The following STX3 variants were observed in gnomAD, a reference collection of about 807,000 sequenced individuals.
The protein encoded by STX3 is syntaxin-3.
A neutral mutation model predicts 40.2 loss-of-function variants in STX3; 19 were observed. The observed-to-expected ratio is 0.47, with a 90% CI of 0.33 to 0.69. The LOEUF (loss-of-function observed/expected upper bound fraction) is 0.69, where lower values mean the gene tolerates loss of function less well. STX3 is among the 30% of genes least tolerant of loss of function. The pLI is 0.02. For synonymous variants in STX3, 122 were observed against 132.2 expected (o/e 0.92, Z 0.53); for missense variants, 364 against 366.7 (o/e 0.99, Z 0.06).
chr11:59,771,403 T>TCCCCCCCCCCCCCCCCCCCCCCCCCCCC (rs1367914976), intron 1 of STX3, among the ~76,000 whole-genome samples: 1 of 34,646 alleles, frequency 2.9e-5, no homozygotes, highest in Non-Finnish European at 5.6e-5. Flanking sequence ...TCCCCCCACC[T>TCCCCCCCCCCCCCCCCCCCCCCCCCCCC]CCCCCCCCCC....
rs564053315 is a variant in STX3, at chr11:59,762,365, T to C, written c.30+6730T>C. ...GTCTGCAGGATCTTGGTCAGGTTGCTTGGTGTCTTTATGCATTAGTTTTCT... is the reference window on the plus strand; with the variant it reads ...GTCTGCAGGATCTTGGTCAGGTTGCCTGGTGTCTTTATGCATTAGTTTTCT... On this transcript the variant is annotated intron_variant, in intron 1 of 10. Coordinates refer to ENST00000337979, the MANE Select transcript of STX3 (RefSeq NM_004177.5). Among the ~76,000 whole-genome samples the C allele has an allele frequency of 2.6e-5, 4 of 152,324 alleles. No homozygotes were observed. In the East Asian group the frequency reaches 7.7e-4, roughly 29 times the overall value.
Position 59,802,298 on chromosome 11 carries a change from T to C in STX3, c.*1474T>C, listed in dbSNP as rs960740057. The C allele has an allele frequency of 3.1e-5, 31 of 985,342 alleles. No individual in the cohort carries two copies. Among genetic ancestry groups the C allele is most frequent in the Non-Finnish European group, 3.7e-5 (31 of 829,950 alleles). The allele number at this position is 985,342 out of a possible 1,614,324, so 61.0% of individuals were successfully genotyped here. ...GTGTCTGTGCTAACCCAGTGGTAAA[T>C]CCCTTAGATCCCCTGCTGGTCTCTG... On this transcript the variant is annotated 3_prime_UTR_variant, in exon 11 of 11. Transcript: ENST00000337979.
At chr11:59,781,546 T>C in intron 2 of STX3, 4 of 1,613,836 alleles carry the variant, frequency 2.5e-6, no homozygotes, top group Non-Finnish European at 3.4e-6. Context: ...GTTTTCAAAG[T>C]GCTCTCAGTT....
chr11:59,761,032 C>T (rs1329138846), intron 1 of STX3, among the ~76,000 whole-genome samples: 1 of 152,168 alleles, frequency 6.6e-6, no homozygotes, highest in Non-Finnish European at 1.5e-5. Context: ...TTGCTCCATT[C>T]CCTGTGGGCT....
chr11:59,788,975 C>A, intron 4 of STX3, 28 bp downstream of exon 4: 1 of 1,584,416 alleles, frequency 6.3e-7, no homozygotes, highest in South Asian at 1.1e-5. Context: ...AAAACAAGGC[C>A]GTCCCCACCA....
chr11:59,801,261 G>C lies in STX3; in HGVS notation c.*437G>C, dbSNP rs1432986423. On this transcript the variant is annotated 3_prime_UTR_variant, in exon 11 of 11. Transcript: ENST00000337979. ...GGGAGTATCTTTAACAAAGCAGAATGATTCTTCTAAGTTTGGCAACAAGAA... is the reference window on the plus strand; with the variant it reads ...GGGAGTATCTTTAACAAAGCAGAATCATTCTTCTAAGTTTGGCAACAAGAA... 1 of 1,017,908 alleles carries C rather than the reference G, an allele frequency of 9.8e-7. No homozygotes were observed. The highest frequency in any genetic ancestry group is 1.7e-5 in the African/African-American group (1 of 58,554). The allele number at this position is 1,017,908 out of a possible 1,614,324, so 63.1% of individuals were successfully genotyped here.
At chr11:59,790,317 C>T (rs1315967324) in intron 4 of STX3, among the ~76,000 whole-genome samples, 2 of 152,218 alleles carry the variant, frequency 1.3e-5, no homozygotes, top group Non-Finnish European at 2.9e-5. Context: ...ATGCTGTTAA[C>T]TGTTATGCCA....
intron 2 of STX3, among the ~76,000 whole-genome samples, chr11:59,782,537 T>C (rs1422030286): frequency 1.3e-5 from 2 of 152,178 alleles, no homozygotes; most frequent in Non-Finnish European, 2.9e-5. Flanking sequence ...TAATTCTCAT[T>C]TCACAGATGA....
At chr11:59,761,205 GAAA>G in intron 1 of STX3, among the ~76,000 whole-genome samples, 1 of 152,284 alleles carries the variant, frequency 6.6e-6, no homozygotes, top group East Asian at 1.9e-4. Flanking sequence ...CCCCTATTTA[GAAA>G]GACAATGAAG....
At chr11:59,795,256 G>C in intron 8 of STX3, 116 bp from the exon 9 acceptor site, 1 of 828,928 alleles carries the variant, frequency 1.2e-6, no homozygotes, top group Non-Finnish European at 1.9e-6. Flanking sequence ...CATGCATCAA[G>C]GTTTGTGGAT....
chr11:59,755,109 G>C (rs968128665), upstream of STX3: 1 of 153,256 alleles, frequency 6.5e-6, no homozygotes, highest in African/African-American at 2.4e-5. Context: ...TCCTAGCGAG[G>C]AGCCCGGCAC....
chr11:59,779,702 G>C (rs923515709), intron 2 of STX3, among the ~76,000 whole-genome samples: 3 of 152,096 alleles, frequency 2.0e-5, no homozygotes, highest in African/African-American at 7.2e-5. Flanking sequence ...TGCTTGAGGG[G>C]ATCTGAATCA....
chr11:59,768,430 G>A (rs1863393511), intron 1 of STX3, among the ~76,000 whole-genome samples: 1 of 152,164 alleles, frequency 6.6e-6, no homozygotes, highest in African/African-American at 2.4e-5. Flanking sequence ...TGGGAGAAAT[G>A]GGCCCTGTGT....
At chr11:59,791,170 G>T (rs1865133221) in intron 5 of STX3, among the ~76,000 whole-genome samples, 1 of 152,176 alleles carries the variant, frequency 6.6e-6, no homozygotes, top group Non-Finnish European at 1.5e-5. Flanking sequence ...TCTCTGAGAG[G>T]CACAGGGGCA....
At chr11:59,789,865 G>A (rs1195436142) in intron 4 of STX3, among the ~76,000 whole-genome samples, 1 of 152,080 alleles carries the variant, frequency 6.6e-6, no homozygotes, top group Non-Finnish European at 1.5e-5. Flanking sequence ...CCCCCATTTG[G>A]GAGAGTATAG....
chr11:59,771,663 C>A (rs993011645), intron 1 of STX3, among the ~76,000 whole-genome samples: 3 of 152,008 alleles, frequency 2.0e-5, no homozygotes, highest in African/African-American at 7.3e-5. Context: ...ATAGAGTGAT[C>A]TAAAAGAATG....
chr11:59,783,305 A>AG (rs1351027666), intron 2 of STX3, among the ~76,000 whole-genome samples: 11 of 152,180 alleles, frequency 7.2e-5, no homozygotes, highest in Non-Finnish European at 1.3e-4. Flanking sequence ...AGCCTTCCTT[A>AG]GGCGTTTACC....
At position 59,793,545 on chromosome 11, in the gene STX3, G is replaced by T. The variant is rs373402452; in HGVS notation, c.675+31G>T. ...TGGCAGTGAGTCCCAGCGTGGGGAG[G>T]GAGGAGAGGAAAGCTCAGGGTCTAC... On this transcript the variant is annotated intron_variant, in intron 8 of 10. Transcript: ENST00000337979. 422 of 1,601,426 alleles carry T rather than the reference G, an allele frequency of 2.6e-4. 1 individual carries two copies. Among genetic ancestry groups the T allele is most frequent in the Admixed American group, 3.4e-4 (20 of 59,634 alleles).
chr11:59,796,557 T>C (rs1482867540), intron 9 of STX3, among the ~76,000 whole-genome samples: 1 of 152,214 alleles, frequency 6.6e-6, no homozygotes, highest in Non-Finnish European at 1.5e-5. Context: ...ATCCAGGCAG[T>C]GTACTGGGTC....
Sources: allele counts gnomAD v4.1 joint callset (sites outside exome capture counted in the v4.1 genomes callset), GRCh38; gene constraint gnomAD v4.1.1; transcripts MANE v1.5; gene names NCBI Gene and HGNC (gene_info 2026-07-23, HGNC 2026-07-21).